The following AWAT2 variants were observed in gnomAD, a reference collection of about 807,000 sequenced individuals.
AWAT2 encodes the protein 11-cis-RE-synthase.
A neutral mutation model predicts 22.3 loss-of-function variants in AWAT2; 9 were observed. That is an observed-to-expected ratio of 0.40 (90% CI 0.24 to 0.70). The LOEUF is 0.70. Ranked by LOEUF, AWAT2 falls within the 30% of genes least tolerant of loss-of-function variation. AWAT2 has a pLI of 0.36. For synonymous variants in AWAT2, 100 were observed against 93.4 expected (o/e 1.07, Z -0.40); for missense variants, 217 against 265.9 (o/e 0.82, Z 1.28).
rs1233697450 is a variant in AWAT2 at position 70,041,860 on chromosome X, T to C, written c.950A>G (p.Gln317Arg). ...YIDALRKLFD[Q>R]HKTKFGISET... Reference sequence around the variant, plus strand: ...TGAGATACCAAACTTGGTCTTATGCTGGTCAAACAGTTTACGTAGGGCATC... The same window carrying C: ...TGAGATACCAAACTTGGTCTTATGCCGGTCAAACAGTTTACGTAGGGCATC... The change falls in exon 7 of 8, where the codon CAG becomes CGG. Residue 317 changes from glutamine (Q) to arginine (R), a missense_variant. Coordinates refer to ENST00000276101, the MANE Select transcript of AWAT2 (RefSeq NM_001002254.1). 1.7e-6 allele frequency: 2 copies of C among 1,211,296 alleles called. No homozygotes were observed. Among genetic ancestry groups the C allele is most frequent in the Non-Finnish European group, 2.2e-6 (2 of 895,048 alleles).
Position 70,044,425 on chromosome X carries a change from C to T in AWAT2, c.123G>A (p.Val41=), listed in dbSNP as rs768594033. The change falls in exon 2 of 8, where the codon GTG becomes GTA. Residue 41 remains valine (V), a synonymous_variant. Transcript: ENST00000276101. ...CAGTGACAGGCCAGTATGGTGTGAA[C>T]ACCACCAGGTAGAGGTTGACAGCAA... The part of the protein sequence containing the change: ...TVIAVNLYLV[V]FTPYWPVTVL... 1.7e-6 allele frequency: 2 copies of T among 1,211,930 alleles called. No homozygotes were observed. Among genetic ancestry groups the T allele is most frequent in the Middle Eastern group, 2.3e-4 (1 of 4,348 alleles).
rs755671268 is a variant in AWAT2, at chrX:70,042,358, C to T, written c.676G>A (p.Gly226Arg). ...TGCTGATCATAGAGGTCCGTCTCCCCAAAGGCATAGGCAGGTATTAGAGGC... is the reference window on the plus strand; with the variant it reads ...TGCTGATCATAGAGGTCCGTCTCCCTAAAGGCATAGGCAGGTATTAGAGGC... ...GVPLIPAYAF[G>R]ETDLYDQHIF... is the part of the protein sequence containing the mutation. Residue 226 changes from glycine (G) to arginine (R), a missense_variant, in exon 6 of 8, where the codon GGG becomes AGG. By Grantham distance (125) the Gly-to-Arg change is moderately radical (BLOSUM62 -2). Coordinates refer to ENST00000276101, the MANE Select transcript of AWAT2 (RefSeq NM_001002254.1). 1 of 1,211,970 alleles carries T rather than the reference C, an allele frequency of 8.3e-7. No individual in the cohort carries two copies.
At chrX:70,044,498 A>G (rs2020350408) in intron 1 of AWAT2, 36 bp from the exon 2 acceptor site, 3 of 1,197,606 alleles carry the variant, frequency 2.5e-6, no homozygotes, top group Non-Finnish European at 3.4e-6. Context: ...ATGAATTTCA[A>G]GCAGTCCCTC....
intron 5 of AWAT2, 70 bp from the exon 6 acceptor site, chrX:70,042,456 C>A: frequency 9.7e-7 from 1 of 1,033,022 alleles, no homozygotes; most frequent in Non-Finnish European, 1.3e-6. Flanking sequence ...GACACGCTGA[C>A]GGCGCATGAT....
rs2020323669 is a variant in AWAT2 at position 70,041,183 on chromosome X, G to A, written c.*475C>T. On this transcript the variant is annotated 3_prime_UTR_variant, in exon 8 of 8. Transcript: ENST00000276101. Reference sequence around the variant, plus strand: ...ATAAAGTTCAATCACATCCAATATTGTTTGATCTTCCCAACGGCCTTTGAG... The same window carrying A: ...ATAAAGTTCAATCACATCCAATATTATTTGATCTTCCCAACGGCCTTTGAG... 1 of 112,692 alleles carries A rather than the reference G, an allele frequency of 8.9e-6. No individual in the cohort carries two copies. Among genetic ancestry groups the A allele is most frequent in the African/African-American group, 3.2e-5 (1 of 30,872 alleles). 9.3% of individuals were successfully genotyped at this position (112,692 alleles called of 1,213,427 possible).
chrX:70,049,442 A>G (rs1963058511), intron 1 of AWAT2, among the ~76,000 whole-genome samples: 1 of 111,118 alleles, frequency 9.0e-6, no homozygotes, highest in Admixed American at 9.6e-5. Flanking sequence ...ACCTGACCCA[A>G]CTATCTCTAA....
At chrX:70,043,792 A>G in intron 3 of AWAT2, 110 bp from the exon 4 acceptor site, 1 of 980,844 alleles carries the variant, frequency 1.0e-6, no homozygotes, top group Non-Finnish European at 1.4e-6. Flanking sequence ...CAGGTTGCCC[A>G]ATGTGCAACT....
rs375958634 is a variant in AWAT2, at chrX:70,047,774, G to A, written c.85+2074C>T. ...TTGCCCTATGTGAACTAGTGAGGAAGGGGCAAACGCCTGCAGCCCATATCT... is the reference window on the plus strand; with the variant it reads ...TTGCCCTATGTGAACTAGTGAGGAAAGGGCAAACGCCTGCAGCCCATATCT... On this transcript the variant is annotated intron_variant, in intron 1 of 7. Transcript: ENST00000276101. 1.3e-4 allele frequency among the ~76,000 whole-genome samples: 15 copies of A among 111,661 alleles called. No individual in the cohort carries two copies. The East Asian group carries it at 4.3e-3, about 32-fold the overall frequency.
At position 70,042,441 on chromosome X, in the gene AWAT2, T is replaced by A. The variant is rs775930854; in HGVS notation, c.648-55A>T. 5 of 1,107,173 alleles carry A rather than the reference T, an allele frequency of 4.5e-6. No individual in the cohort carries two copies. The East Asian group carries it at 1.5e-4, about 33-fold the overall frequency. 91.2% of individuals were successfully genotyped at this position (1,107,173 alleles called of 1,213,427 possible). ...CCAGAAAGGTAGGGACCTTGTCGAA[T>A]GCCAGACACGCTGACGGCGCATGAT... On this transcript the variant is annotated intron_variant, in intron 5 of 7. Coordinates refer to ENST00000276101, the MANE Select transcript of AWAT2 (RefSeq NM_001002254.1).
In AWAT2 at chrX:70,041,767, C is replaced by T; in HGVS notation, c.*35+6G>A. On this transcript the variant is annotated splice_donor_region_variant and intron_variant, in intron 7 of 7. Transcript: ENST00000276101. ...GTCCTCCTGTTCTCACTGGGTCCATCCATACCTTCCAGCCAGGGTGAAGGC... is the reference window on the plus strand; with the variant it reads ...GTCCTCCTGTTCTCACTGGGTCCATTCATACCTTCCAGCCAGGGTGAAGGC... The T allele has an allele frequency of 8.4e-7, 1 of 1,196,984 alleles. No homozygotes were observed. The highest frequency in any genetic ancestry group is 1.1e-6 in the Non-Finnish European group (1 of 885,795).
intron 1 of AWAT2, among the ~76,000 whole-genome samples, chrX:70,045,210 T>A (rs1324038846): frequency 1.8e-5 from 2 of 112,505 alleles, no homozygotes; most frequent in African/African-American, 6.5e-5. Context: ...CCTTGACTTC[T>A]TGCTGGAGCT....
At position 70,043,884 on chromosome X, in the gene AWAT2, G is replaced by C. The variant is rs766450567; in HGVS notation, c.267+42C>G. The C allele has an allele frequency of 4.3e-6, 5 of 1,169,803 alleles. No homozygotes were observed. The South Asian group carries it at 7.6e-5, about 18-fold the overall frequency. ...TGACCCAACTGCTAGCACTGAAGTC[G>C]GGGCTGGACCTGGGCCTGAGTGGGG... is the stretch of plus-strand genomic sequence containing the variant. On this transcript the variant is annotated intron_variant, in intron 3 of 7. Transcript: ENST00000276101.
rs746470905 is a variant in AWAT2 at position 70,041,829 on chromosome X, G to C, written c.981C>G (p.Thr327=). ...TCTGTCAAATTATCTCCAGCTCCTG[G>C]GTCTCTGAGATACCAAACTTGGTCT... ...QHKTKFGISE[T]QELEII is the part of the protein sequence containing the mutation. The change falls in exon 7 of 8, where the codon ACC becomes ACG. Residue 327 remains threonine (T), a synonymous_variant. Coordinates refer to ENST00000276101, the MANE Select transcript of AWAT2 (RefSeq NM_001002254.1). 4 of 1,210,840 alleles carry C rather than the reference G, an allele frequency of 3.3e-6. No individual in the cohort carries two copies. The highest frequency in any genetic ancestry group is 2.2e-5 in the Admixed American group (1 of 45,960).
intron 3 of AWAT2, 80 bp downstream of exon 3, chrX:70,043,846 T>C: frequency 9.3e-7 from 1 of 1,080,051 alleles, no homozygotes; most frequent in Admixed American, 2.7e-5. Flanking sequence ...GATGGCGCCC[T>C]CCACCCCTAG....
At chrX:70,044,851 C>T (rs2020352632) in intron 1 of AWAT2, among the ~76,000 whole-genome samples, 1 of 112,621 alleles carries the variant, frequency 8.9e-6, no homozygotes, top group African/African-American at 3.2e-5. Context: ...TCACGTCCTC[C>T]TCTCCAAATC....
intron 6 of AWAT2, 78 bp from the exon 7 acceptor site, chrX:70,042,040 C>T: frequency 8.9e-7 from 1 of 1,129,837 alleles, no homozygotes; most frequent in East Asian, 3.0e-5. Flanking sequence ...AGGCTTCAAG[C>T]CCAGACTCTT....
At chrX:70,043,030 T>A in intron 5 of AWAT2, 39 bp downstream of exon 5, 1 of 1,132,958 alleles carries the variant, frequency 8.8e-7, no homozygotes, top group South Asian at 2.2e-5. Flanking sequence ...GCAACACTTT[T>A]GGATCCCTTC....
At chrX:70,043,832 T>C (rs766813924) in intron 3 of AWAT2, 94 bp downstream of exon 3, 1 of 1,027,958 alleles carries the variant, frequency 9.7e-7, no homozygotes, top group South Asian at 2.2e-5. Flanking sequence ...AGAGGCTCAA[T>C]GTGGATGGCG....
chrX:70,046,542 T>C (rs1428653452), intron 1 of AWAT2, among the ~76,000 whole-genome samples: 2 of 110,519 alleles, frequency 1.8e-5, no homozygotes, highest in South Asian at 3.9e-4. Flanking sequence ...GTAGCTAGGA[T>C]TACAGGTGCA....
Sources: gnomAD v4.1 joint callset for allele counts (sites outside exome capture counted in the v4.1 genomes callset) on GRCh38, gnomAD v4.1.1 for gene constraint, MANE v1.5 for transcripts, NCBI Gene and HGNC (gene_info 2026-07-23, HGNC 2026-07-21) for gene names.